FOXN3: variants seen among roughly 807,000 people sequenced by gnomAD.
The protein encoded by FOXN3 is forkhead box protein N3.
Under a neutral mutation model 38.4 loss-of-function variants are expected in FOXN3, and 7 were observed. That is an observed-to-expected ratio of 0.18 (90% confidence interval 0.10 to 0.34). FOXN3 has a LOEUF of 0.34. Ranked by LOEUF, FOXN3 falls within the 10% of genes least tolerant of loss-of-function variation. The pLI is 1.00. For missense variants in FOXN3, 456 were observed against 613.4 expected, an observed-to-expected ratio of 0.74 and a Z score of 2.71; for synonymous variants, 230 against 242.2, an observed-to-expected ratio of 0.95 and a Z score of 0.47.
At chr14:89,189,060 A>T (rs1887879910) in intron 4 of FOXN3, among the ~76,000 whole-genome samples, 1 of 152,176 alleles carries the variant, frequency 6.6e-6, no homozygotes, top group South Asian at 2.1e-4. Context: ...TGTTCGGAAC[A>T]GGTAATGGCA....
intron 1 of FOXN3, among the ~76,000 whole-genome samples, chr14:89,462,937 G>A (rs1892878731): frequency 6.6e-6 from 1 of 150,770 alleles, no homozygotes; most frequent in South Asian, 2.1e-4. Context: ...ACCCATCTTG[G>A]CCTCCCAAAG....
chr14:89,317,929 G>C (rs1228274100), intron 3 of FOXN3, among the ~76,000 whole-genome samples: 1 of 148,944 alleles, frequency 6.7e-6, no homozygotes, highest in Non-Finnish European at 1.5e-5. Flanking sequence ...GCTCCTTATG[G>C]GAATCTAACT....
rs995625874 is a variant in FOXN3 at position 89,496,434 on chromosome 14, C to A, written c.-14-83944G>T. On this transcript the variant is annotated intron_variant, in intron 1 of 6. Transcript: ENST00000345097. Reference sequence around the variant, plus strand: ...TGCTCACTACACCCCGCGCCACCTTCCTTCCCAGGAGTGCCAGCCCAAGTC... The same window carrying A: ...TGCTCACTACACCCCGCGCCACCTTACTTCCCAGGAGTGCCAGCCCAAGTC... 3.9e-5 allele frequency among the ~76,000 whole-genome samples: 6 copies of A among 152,160 alleles called. No individual in the cohort carries two copies. The East Asian group carries it at 1.2e-3, about 29-fold the overall frequency.
At chr14:89,585,371 C>T (rs1375631514) in intron 1 of FOXN3, among the ~76,000 whole-genome samples, 2 of 152,168 alleles carry the variant, frequency 1.3e-5, no homozygotes, top group African/African-American at 4.8e-5. Flanking sequence ...TAACTTTCTA[C>T]CTTGATTTCT....
intron 1 of FOXN3, among the ~76,000 whole-genome samples, chr14:89,436,351 G>A (rs1339207419): frequency 1.3e-5 from 2 of 149,658 alleles, no homozygotes; most frequent in Non-Finnish European, 3.0e-5. Context: ...GCCTTAGGAA[G>A]ACTTTTGGTC....
intron 3 of FOXN3, among the ~76,000 whole-genome samples, chr14:89,326,963 A>C (rs1888100423): frequency 1.3e-5 from 2 of 152,202 alleles, no homozygotes; most frequent in Non-Finnish European, 2.9e-5. Context: ...CCGGGTACGT[A>C]ATATGCACAC....
chr14:89,417,709 G>T (rs1262943681), upstream of FOXN3: 2 of 455,890 alleles, frequency 4.4e-6, no homozygotes, highest in East Asian at 1.4e-4. Context: ...GTGAGAAGAG[G>T]AGATTCCACG....
chr14:89,563,595 G>A (rs910167372), intron 1 of FOXN3, among the ~76,000 whole-genome samples: 2 of 152,142 alleles, frequency 1.3e-5, no homozygotes, highest in African/African-American at 4.8e-5. Context: ...TGATGCATGC[G>A]AGCCTTGGGG....
At chr14:89,605,628 G>A (rs1354836121) in intron 1 of FOXN3, among the ~76,000 whole-genome samples, 3 of 152,018 alleles carry the variant, frequency 2.0e-5, no homozygotes, top group African/African-American at 7.2e-5. Flanking sequence ...AGCTACATTT[G>A]TACATGTCAT....
At chr14:89,284,360 A>C (rs913665526) in intron 3 of FOXN3, 5 of 418,956 alleles carry the variant, frequency 1.2e-5, no homozygotes, top group Non-Finnish European at 2.4e-5. Flanking sequence ...AGGTGAAAGG[A>C]CTTGCCCAAG....
intron 3 of FOXN3, among the ~76,000 whole-genome samples, chr14:89,317,130 G>A (rs914162991): frequency 6.6e-6 from 1 of 152,000 alleles, no homozygotes; most frequent in African/African-American, 2.4e-5. Context: ...GGTACCTAAT[G>A]CAAAAAAACA....
intron 4 of FOXN3, among the ~76,000 whole-genome samples, chr14:89,278,482 C>A (rs1261847682): frequency 6.6e-6 from 1 of 152,158 alleles, no homozygotes; most frequent in Non-Finnish European, 1.5e-5. Flanking sequence ...AGTTATCCCC[C>A]ACCCTGGTTC....
Position 89,412,191 on chromosome 14 carries a change from G to C in FOXN3, c.286C>G (p.Pro96Ala), listed in dbSNP as rs1372759240. Residue 96 changes from proline to alanine, a missense_variant, in exon 2 of 6, where the codon CCA (proline) becomes GCA (alanine). Coordinates refer to ENST00000557258, the MANE Select transcript of FOXN3 (RefSeq NM_005197.4). This position sits in a 1 kb window ranked among gnomAD's most constrained non-coding sequence, Gnocchi z 4.7. ...GGCATGTCAGAGTGGGCAGGGGATGGGGGGGTGTCATCGTCCAGGTCCTGG... is the reference window on the plus strand; with the variant it reads ...GGCATGTCAGAGTGGGCAGGGGATGCGGGGGTGTCATCGTCCAGGTCCTGG... ...PVQDLDDDTP[P>A]SPAHSDMPYD... 2 of 1,613,536 alleles carry C rather than the reference G, an allele frequency of 1.2e-6. No homozygotes were observed. Among genetic ancestry groups the C allele is most frequent in the Non-Finnish European group, 1.7e-6 (2 of 1,179,716 alleles).
intron 4 of FOXN3, among the ~76,000 whole-genome samples, chr14:89,218,994 C>G (rs891874805): frequency 6.6e-6 from 1 of 152,206 alleles, no homozygotes; most frequent in Non-Finnish European, 1.5e-5. Flanking sequence ...TTCTTATTTT[C>G]TCCTTTTATT....
intron 3 of FOXN3, chr14:89,290,844 G>A: frequency 3.6e-6 from 1 of 281,100 alleles, no homozygotes; most frequent in Non-Finnish European, 7.1e-6. Flanking sequence ...AAATAAAGCT[G>A]AGCATGAAGG....
intron 4 of FOXN3, among the ~76,000 whole-genome samples, chr14:89,265,427 C>T (rs1358994185): frequency 6.6e-6 from 1 of 152,104 alleles, no homozygotes; most frequent in East Asian, 1.9e-4. Flanking sequence ...CCCCAGTGTT[C>T]ACTGGAAAAG....
At chr14:89,352,455 A>T (rs1319302014) in intron 2 of FOXN3, among the ~76,000 whole-genome samples, 1 of 152,178 alleles carries the variant, frequency 6.6e-6, no homozygotes, top group East Asian at 1.9e-4. Context: ...AAGACAGGAG[A>T]CAGGTAACTA....
chr14:89,426,257 T>G (rs567488553), intron 1 of FOXN3, among the ~76,000 whole-genome samples: 1 of 135,430 alleles, frequency 7.4e-6, no homozygotes, highest in Non-Finnish European at 1.5e-5. Context: ...AGGGTCTTGC[T>G]CTTGTCACCC....
intron 3 of FOXN3, among the ~76,000 whole-genome samples, chr14:89,345,796 G>A (rs936211846): frequency 3.3e-5 from 5 of 152,320 alleles, no homozygotes; most frequent in Non-Finnish European, 7.3e-5. Flanking sequence ...AGTGGCTCAC[G>A]CCTGTAATCC....
Sources: gnomAD v4.1 joint callset for allele counts (sites outside exome capture counted in the v4.1 genomes callset) on GRCh38, gnomAD v4.1.1 for gene constraint, Gnocchi (gnomAD v3.1) non-coding constraint, MANE v1.5 for transcripts, NCBI Gene and HGNC (gene_info 2026-07-23, HGNC 2026-07-21) for gene names.